KRT27: variants seen among roughly 807,000 people sequenced by gnomAD.
The protein encoded by KRT27 is keratin, type I cytoskeletal 27.
Under a neutral mutation model 45.3 loss-of-function variants are expected in KRT27, and 30 were observed. That is an observed-to-expected ratio of 0.66 (90% CI 0.50 to 0.90). KRT27 has a LOEUF of 0.90. Ranked by LOEUF, KRT27 falls within the 40% of genes least tolerant of loss-of-function variation. KRT27 has a pLI of 0.00. For missense variants in KRT27, 610 were observed against 564.3 expected (o/e 1.08, Z -0.82); for synonymous variants, 204 against 223.9 (o/e 0.91, Z 0.79).
Position 40,782,261 on chromosome 17 carries a change from C to T in KRT27, c.233G>A (p.Gly78Asp). ...CACCTTCTCATTGCCAGAGAGGAGG[C>T]CGTGCTCATTCCCTGTGAAGGCAGC... ...SCAAFTGNEH[G>D]LLSGNEKVTM... The change falls in exon 1 of 8, where the codon GGC (glycine) becomes GAC (aspartate). Residue 78 changes from glycine (G) to aspartate (D), a missense_variant. By Grantham distance (94) the Gly-to-Asp change is moderately conservative. Transcript: ENST00000301656. 1.2e-6 allele frequency: 2 copies of T among 1,614,208 alleles called. No individual in the cohort carries two copies. The highest frequency in any genetic ancestry group is 8.5e-7 in the Non-Finnish European group (1 of 1,180,042).
At position 40,782,032 on chromosome 17, in the gene KRT27, C is replaced by A. The variant is rs766560516; in HGVS notation, c.444+18G>T. On this transcript the variant is annotated intron_variant, in intron 1 of 7. Transcript: ENST00000301656. ...ACACTCTCAGGAGTGCTAACACTCA[C>A]GCCATGGCGTTTCTTACCTGGTTCT... The A allele has an allele frequency of 1.3e-6, 2 of 1,596,732 alleles. No individual in the cohort carries two copies. Among genetic ancestry groups the A allele is most frequent in the Non-Finnish European group, 8.5e-7 (1 of 1,175,070 alleles).
At chr17:40,781,090 GA>G (rs1349323844) in intron 2 of KRT27, 97 bp downstream of exon 2, 27 of 687,218 alleles carry the variant, frequency 3.9e-5, no homozygotes, top group Non-Finnish European at 6.4e-5. Context: ...GAATAAACAA[GA>G]ACAAAGGCTT....
At chr17:40,780,919 G>A (rs909576050) in intron 2 of KRT27, among the ~76,000 whole-genome samples, 2 of 152,104 alleles carry the variant, frequency 1.3e-5, no homozygotes, top group African/African-American at 2.4e-5. Flanking sequence ...CATCTATCAT[G>A]CAATAAATAC....
Position 40,782,213 on chromosome 17 carries a change from C to T in KRT27, c.281G>A (p.Arg94His), listed in dbSNP as rs769083186. ...EKVTMQNLNDRLASYLENVRA... is the reference protein window; with the variant it reads ...EKVTMQNLNDHLASYLENVRA... The stretch of plus-strand genomic sequence containing the variant: ...AACATTCTCCAGGTAGGAGGCCAAG[C>T]GGTCGTTGAGGTTCTGCATGGTCAC... The change falls in exon 1 of 8, where the codon CGC (arginine) becomes CAC (histidine). Residue 94 changes from arginine to histidine, a missense_variant. Arg to His is a conservative substitution (Grantham distance 29). Coordinates refer to ENST00000301656, the MANE Select transcript of KRT27 (RefSeq NM_181537.4). 1.1e-5 allele frequency: 17 copies of T among 1,614,074 alleles called. No homozygotes were observed. Among genetic ancestry groups the T allele is most frequent in the Non-Finnish European group, 1.1e-5 (13 of 1,180,040 alleles).
chr17:40,781,218 G>A lies in KRT27; in HGVS notation c.497C>T (p.Ala166Val), dbSNP rs2038308991. The A allele has an allele frequency of 1.9e-6, 3 of 1,611,080 alleles. No homozygotes were observed. The South Asian group carries it at 3.3e-5, about 18-fold the overall frequency. Residue 166 changes from alanine to valine, a missense_variant, in exon 2 of 8, where the codon GCA becomes GTA. Physicochemically the swap from Ala to Val is moderately conservative, Grantham distance 64. Transcript: ENST00000301656. ...TCTGAAGTCATCAGCTGTTAGTCTT[G>A]CATTATCATTTTGCAGGACAACATG... ...NAHVVLQNDN[A>V]RLTADDFRLK...
intron 3 of KRT27, 99 bp from the exon 4 acceptor site, chr17:40,779,960 G>A: frequency 7.4e-7 from 1 of 1,350,798 alleles, no homozygotes; most frequent in East Asian, 2.4e-5. Context: ...GAAATGCAGT[G>A]GTGCAATTAT....
Position 40,777,265 on chromosome 17 carries a change from TTCCTGGGCC to T in KRT27, c.1219_1227del (p.Gly407_Gly409del). On this transcript the variant is annotated inframe_deletion, in exon 7 of 8. Transcript: ENST00000301656. ...AGCTTTTGTTTACCTTTTGTTTGAT[TTCCTGGGCC>T]TCCATAGCCTTTTGATTTAGAACAG... 6.2e-7 allele frequency: 1 copy of T among 1,613,972 alleles called. No individual in the cohort carries two copies. The highest frequency in any genetic ancestry group is 8.5e-7 in the Non-Finnish European group (1 of 1,179,954).
At chr17:40,778,123 T>G in intron 5 of KRT27, 1 of 187,746 alleles carries the variant, frequency 5.3e-6, no homozygotes, top group Non-Finnish European at 1.1e-5. Context: ...TGTGACAGTC[T>G]TGTCTTATGA....
chr17:40,781,964 T>G (rs17473777), intron 1 of KRT27, 86 bp downstream of exon 1: 471,856 of 1,152,158 alleles, frequency 0.41, 102,492 homozygotes, highest in East Asian at 0.64. Flanking sequence ...CAAAGCCCTG[T>G]TATTGTGATA....
Position 40,779,683 on chromosome 17 carries a change from C to T in KRT27, c.846+17G>A, listed in dbSNP as rs754546879. On this transcript the variant is annotated intron_variant, in intron 4 of 7. Transcript: ENST00000301656. ...GGGGCTGAGTCCGCGCCCGGGCGCACCCAAGCGTGGTTTTACCTTTTCGTT... is the reference window on the plus strand; with the variant it reads ...GGGGCTGAGTCCGCGCCCGGGCGCATCCAAGCGTGGTTTTACCTTTTCGTT... The T allele has an allele frequency of 7.4e-6, 12 of 1,613,308 alleles. No homozygotes were observed. The highest frequency in any genetic ancestry group is 7.6e-6 in the Non-Finnish European group (9 of 1,179,694).
At position 40,780,402 on chromosome 17, in the gene KRT27, C is replaced by G; in HGVS notation, c.582G>C (p.Leu194Phe). 2 of 1,613,944 alleles carry G rather than the reference C, an allele frequency of 1.2e-6. No homozygotes were observed. The highest frequency in any genetic ancestry group is 1.1e-5 in the South Asian group (1 of 90,988). Residue 194 changes from leucine to phenylalanine, a missense_variant, in exon 3 of 8, where the codon TTG becomes TTC. By Grantham distance (22) the Leu-to-Phe change is conservative. Transcript: ENST00000301656. The part of the protein sequence containing the change: ...HQSVEADING[L>F]RRVLDELTLC... Reference sequence around the variant, plus strand: ...AGGTCAGCTCATCCAGGACTCTTCGCAAACCATTGATGTCCGCCTCCACGC... The same window carrying G: ...AGGTCAGCTCATCCAGGACTCTTCGGAAACCATTGATGTCCGCCTCCACGC...
At chr17:40,780,844 G>A (rs1035600986) in intron 2 of KRT27, among the ~76,000 whole-genome samples, 1 of 151,978 alleles carries the variant, frequency 6.6e-6, no homozygotes, top group South Asian at 2.1e-4. Flanking sequence ...GCGAGACTCC[G>A]TCTCCAAAAA....
intron 5 of KRT27, 120 bp downstream of exon 5, chr17:40,779,382 T>C: frequency 1.6e-6 from 2 of 1,248,540 alleles, no homozygotes; most frequent in South Asian, 1.6e-5. Flanking sequence ...ATATGTCTTA[T>C]GTCAAGCACT....
Position 40,777,526 on chromosome 17 carries a change from A to G in KRT27, c.1179T>C (p.Asp393=), listed in dbSNP as rs2038275928. 1.9e-6 allele frequency: 3 copies of G among 1,613,842 alleles called. No homozygotes were observed. The highest frequency in any genetic ancestry group is 1.3e-5 in the African/African-American group (1 of 74,930). ...GCGGCAATACTGACCCATCTTCTCCATCTATCAGGAGGCAGTAGGTCTCAA... is the reference window on the plus strand; with the variant it reads ...GCGGCAATACTGACCCATCTTCTCCGTCTATCAGGAGGCAGTAGGTCTCAA... ...KEIETYCLLI[D]GEDGSCSKSK... is the part of the protein sequence containing the mutation. Residue 393 remains aspartate, a synonymous_variant, in exon 6 of 8, where the codon GAT becomes GAC. Transcript: ENST00000301656.
chr17:40,777,626 A>G lies in KRT27; in HGVS notation c.1079T>C (p.Val360Ala). Reference protein sequence around the residue: ...IGALEEQLHQVRTETEGQKLE... With the variant: ...IGALEEQLHQARTETEGQKLE... ...CTTCTGGCCCTCGGTCTCGGTTCTG[A>G]CCTGGTGCAGCTGCTCCTCCAGGGC... is the stretch of plus-strand genomic sequence containing the variant. Residue 360 changes from valine to alanine, a missense_variant, in exon 6 of 8, where the codon GTC becomes GCC. Coordinates refer to ENST00000301656, the MANE Select transcript of KRT27 (RefSeq NM_181537.4). 6.2e-7 allele frequency: 1 copy of G among 1,613,970 alleles called. No individual in the cohort carries two copies. Among genetic ancestry groups the G allele is most frequent in the Non-Finnish European group, 8.5e-7 (1 of 1,179,966 alleles).
intron 1 of KRT27, among the ~76,000 whole-genome samples, chr17:40,781,800 A>G (rs963564646): frequency 2.0e-5 from 3 of 152,216 alleles, no homozygotes; most frequent in South Asian, 4.1e-4. Flanking sequence ...CTATAAATAT[A>G]TAACTGGAGA....
chr17:40,777,391 C>G, intron 6 of KRT27, 89 bp from the exon 7 acceptor site: 1 of 1,534,552 alleles, frequency 6.5e-7, no homozygotes, highest in South Asian at 1.2e-5. Context: ...TCACTGCATT[C>G]TGAAATAACA....
intron 5 of KRT27, among the ~76,000 whole-genome samples, chr17:40,778,484 G>A (rs1018865032): frequency 3.9e-5 from 6 of 152,178 alleles, no homozygotes; most frequent in African/African-American, 1.4e-4. Context: ...GAGAACTTCT[G>A]GATTCCTTCA....
At position 40,782,384 on chromosome 17, in the gene KRT27, C is replaced by T; in HGVS notation, c.110G>A (p.Gly37Asp). The change falls in exon 1 of 8, where the codon GGT (glycine) becomes GAT (aspartate). Residue 37 changes from glycine (G) to aspartate (D), a missense_variant. Transcript: ENST00000301656. ...GAGFGAGNTC[G>D]VPGIGSGFSC... Reference sequence around the variant, plus strand: ...GAAGCCACTTCCAATGCCTGGCACACCGCATGTGTTTCCAGCCCCAAAGCC... The same window carrying T: ...GAAGCCACTTCCAATGCCTGGCACATCGCATGTGTTTCCAGCCCCAAAGCC... 2 of 1,614,152 alleles carry T rather than the reference C, an allele frequency of 1.2e-6. No individual in the cohort carries two copies. The highest frequency in any genetic ancestry group is 1.1e-5 in the South Asian group (1 of 91,074).
Sources: allele counts gnomAD v4.1 joint callset (sites outside exome capture counted in the v4.1 genomes callset), GRCh38; gene constraint gnomAD v4.1.1; transcripts MANE v1.5; gene names NCBI Gene and HGNC (gene_info 2026-07-23, HGNC 2026-07-21).